Variants in PTPRD observed in about 807,000 individuals in gnomAD.
PTPRD encodes the protein protein tyrosine phosphatase receptor type D, also known as receptor-type tyrosine-protein phosphatase delta.
In PTPRD, 34 loss-of-function variants were observed where a neutral mutation model predicts 214.5. The ratio of observed to expected loss-of-function variants is 0.16; its 90% CI spans 0.12 to 0.21. The LOEUF (loss-of-function observed/expected upper bound fraction) is 0.21. Ranked by LOEUF, PTPRD falls within the 10% of genes least tolerant of loss-of-function variation. The probability of loss-of-function intolerance (pLI) is 1.00; values close to 1 mark genes in which losing one functional copy is unlikely to be tolerated. For synonymous variants in PTPRD, 1,128 were observed against 845.7 expected (o/e 1.33, Z -5.79); for missense variants, 2,545 against 2,398.7 (o/e 1.06, Z -1.27).
chr9:9,992,238 T>G (rs1376429575), intron 4 of PTPRD, among the ~76,000 whole-genome samples: 5 of 152,210 alleles, frequency 3.3e-5, no homozygotes, highest in Non-Finnish European at 7.3e-5. Context: ...GAACTATATG[T>G]GATTTAAATT....
intron 3 of PTPRD, among the ~76,000 whole-genome samples, chr9:10,146,358 C>T (rs1355397193): frequency 1.3e-5 from 2 of 151,708 alleles, no homozygotes; most frequent in East Asian, 3.9e-4. Context: ...GTTAATAAGA[C>T]CAATAAAACC....
intron 11 of PTPRD, among the ~76,000 whole-genome samples, chr9:8,801,701 G>C (rs565071392): frequency 6.6e-6 from 1 of 152,288 alleles, no homozygotes; most frequent in African/African-American, 2.4e-5. Context: ...GGGCGACAGA[G>C]CAAGACTGTC....
At chr9:8,850,624 C>A (rs1269879459) in intron 11 of PTPRD, among the ~76,000 whole-genome samples, 6 of 152,116 alleles carry the variant, frequency 3.9e-5, no homozygotes, top group African/African-American at 9.6e-5. Context: ...ATCCAACAAA[C>A]TACTCTTATT....
intron 3 of PTPRD, among the ~76,000 whole-genome samples, chr9:10,046,216 G>C (rs2097392199): frequency 6.6e-6 from 1 of 151,750 alleles, no homozygotes; most frequent in African/African-American, 2.4e-5. Context: ...CAAAGCATTA[G>C]AGATAATTTC....
intron 3 of PTPRD, among the ~76,000 whole-genome samples, chr9:10,079,482 AATCAAGACCCT>A (rs2098195350): frequency 6.6e-6 from 1 of 152,102 alleles, no homozygotes; most frequent in South Asian, 2.1e-4. Context: ...GGCACTCCAG[AATCAAGACCCT>A]TTGTTTTTCA....
At chr9:9,462,854 C>G (rs1218454710) in intron 8 of PTPRD, among the ~76,000 whole-genome samples, 1 of 152,082 alleles carries the variant, frequency 6.6e-6, no homozygotes, top group Non-Finnish European at 1.5e-5. Flanking sequence ...CCTCTTCTAC[C>G]CCCTTAGTCT....
intron 11 of PTPRD, among the ~76,000 whole-genome samples, chr9:8,990,852 A>G (rs1243117901): frequency 6.6e-6 from 1 of 152,072 alleles, no homozygotes; most frequent in Admixed American, 6.5e-5. Flanking sequence ...TACTGCCGTA[A>G]GATTATACTC....
chr9:10,290,774 T>C (rs57754660), intron 3 of PTPRD, among the ~76,000 whole-genome samples: 8,799 of 152,146 alleles, frequency 0.058, 339 homozygotes, highest in South Asian at 0.15. Flanking sequence ...TAAATAAGTG[T>C]CAAGGTCATG....
intron 6 of PTPRD, among the ~76,000 whole-genome samples, chr9:9,744,742 C>A (rs2098440651): frequency 6.6e-6 from 1 of 151,918 alleles, no homozygotes; most frequent in African/African-American, 2.4e-5. Flanking sequence ...ATATAAATCT[C>A]CTAGCCTGGT....
chr9:9,690,361 G>A (rs1211545358), intron 7 of PTPRD, among the ~76,000 whole-genome samples: 1 of 151,730 alleles, frequency 6.6e-6, no homozygotes, highest in East Asian at 1.9e-4. Context: ...GTTGTCTGAA[G>A]TCCTTATATT....
At chr9:8,585,679 A>T (rs907586889) in intron 14 of PTPRD, among the ~76,000 whole-genome samples, 1 of 152,200 alleles carries the variant, frequency 6.6e-6, no homozygotes, top group Non-Finnish European at 1.5e-5. Context: ...ATTTATTTAT[A>T]TATTCTGGTA....
At chr9:8,364,673 T>G (rs992145058) in intron 39 of PTPRD, among the ~76,000 whole-genome samples, 1 of 152,236 alleles carries the variant, frequency 6.6e-6, no homozygotes, top group African/African-American at 2.4e-5. Context: ...CTCCAGGCAC[T>G]GCCGCAAGGC....
chr9:10,589,090 G>A (rs1343399878), intron 2 of PTPRD, among the ~76,000 whole-genome samples: 3 of 152,014 alleles, frequency 2.0e-5, no homozygotes, highest in Non-Finnish European at 4.4e-5. Context: ...TGTATAGAAT[G>A]TTACCTAAAC....
At chr9:8,774,897 C>A (rs933022334) in intron 11 of PTPRD, among the ~76,000 whole-genome samples, 2 of 151,936 alleles carry the variant, frequency 1.3e-5, no homozygotes, top group East Asian at 3.9e-4. Context: ...ATGTTGATTA[C>A]GAAGATACTT....
intron 36 of PTPRD, among the ~76,000 whole-genome samples, chr9:8,393,002 C>G (rs989950168): frequency 1.3e-5 from 2 of 152,142 alleles, no homozygotes; most frequent in African/African-American, 4.8e-5. Flanking sequence ...TTTAGAAAGA[C>G]TTTTCAACCA....
intron 3 of PTPRD, among the ~76,000 whole-genome samples, chr9:10,099,864 A>G (rs891759203): frequency 6.6e-6 from 1 of 151,766 alleles, no homozygotes; most frequent in African/African-American, 2.4e-5. Context: ...TATGAAAGAT[A>G]GTTTAGAAGA....
At chr9:9,356,003 A>T (rs552170850) in intron 9 of PTPRD, among the ~76,000 whole-genome samples, 1 of 151,528 alleles carries the variant, frequency 6.6e-6, no homozygotes, top group South Asian at 2.1e-4. Context: ...AGAGCATTGG[A>T]TTTAGCAATA....
chr9:10,500,880 T>G (rs925303270), intron 2 of PTPRD, among the ~76,000 whole-genome samples: 3 of 151,896 alleles, frequency 2.0e-5, no homozygotes, highest in Non-Finnish European at 2.9e-5. Context: ...CGACAGAATA[T>G]CATTTTGAAT....
chr9:9,980,417 G>C (rs943194842), intron 4 of PTPRD, among the ~76,000 whole-genome samples: 8 of 151,642 alleles, frequency 5.3e-5, no homozygotes, highest in African/African-American at 1.5e-4. Context: ...AGACCATCCT[G>C]GCCAACTTGG....
Sources: allele counts gnomAD v4.1 joint callset (sites outside exome capture counted in the v4.1 genomes callset), GRCh38; gene constraint gnomAD v4.1.1; transcripts MANE v1.5; gene names NCBI Gene and HGNC (gene_info 2026-07-23, HGNC 2026-07-21).